MAMLD1: variants seen among roughly 807,000 people sequenced by gnomAD.
MAMLD1 encodes the protein mastermind-like domain-containing protein 1.
In MAMLD1, 14 loss-of-function variants were observed where a neutral mutation model predicts 45.0. The ratio of observed to expected loss-of-function variants is 0.31; its 90% CI spans 0.21 to 0.49. The LOEUF (loss-of-function observed/expected upper bound fraction) is 0.49, where lower values mean the gene tolerates loss of function less well. MAMLD1 is among the 20% of genes least tolerant of loss of function. The pLI is 0.99. For synonymous variants in MAMLD1, 254 were observed against 247.8 expected, an observed-to-expected ratio of 1.02 and a Z score of -0.24; for missense variants, 543 against 603.6, an observed-to-expected ratio of 0.90 and a Z score of 1.05.
intron 5 of MAMLD1, among the ~76,000 whole-genome samples, chrX:150,486,546 A>G (rs1158322519): frequency 9.0e-6 from 1 of 111,535 alleles, no homozygotes; most frequent in Non-Finnish European, 1.9e-5. Context: ...CTGGCAACCA[A>G]CAGTATTTGT....
intron 1 of MAMLD1, among the ~76,000 whole-genome samples, chrX:150,427,122 T>C (rs781963840): frequency 3.5e-4 from 39 of 111,464 alleles, no homozygotes; most frequent in Admixed American, 1.2e-3. Flanking sequence ...TTCCCCTTTT[T>C]ATACAGACAC....
chrX:150,487,552 T>C (rs184749595), intron 5 of MAMLD1, among the ~76,000 whole-genome samples: 64 of 112,150 alleles, frequency 5.7e-4, no homozygotes, highest in African/African-American at 1.9e-3. Flanking sequence ...ATTCTCCCTA[T>C]GTGACCCGGG....
chrX:150,367,807 G>C (rs1258139161), intron 1 of MAMLD1, among the ~76,000 whole-genome samples: 1 of 109,964 alleles, frequency 9.1e-6, no homozygotes, highest in Non-Finnish European at 1.9e-5. Context: ...AGAACATGCG[G>C]TGTTTGGTTT....
At chrX:150,408,168 CT>C (rs1200326155) in intron 1 of MAMLD1, among the ~76,000 whole-genome samples, 47 of 104,913 alleles carry the variant, frequency 4.5e-4, no homozygotes, top group African/African-American at 5.2e-4. Context: ...TTAATCAGAG[CT>C]TTTTTTTTTT....
chrX:150,368,893 A>G (rs1274848382), intron 1 of MAMLD1, among the ~76,000 whole-genome samples: 1 of 111,649 alleles, frequency 9.0e-6, no homozygotes, highest in East Asian at 2.8e-4. Context: ...ATTATTTCTG[A>G]GGGCTCTGTT....
At chrX:150,506,286 C>T (rs2037724424) in intron 6 of MAMLD1, among the ~76,000 whole-genome samples, 1 of 107,300 alleles carries the variant, frequency 9.3e-6, no homozygotes, top group Non-Finnish European at 1.9e-5. Context: ...TTCTGTCCTC[C>T]CTTCCCCTTC....
intron 5 of MAMLD1, among the ~76,000 whole-genome samples, chrX:150,492,799 G>A (rs1557408002): frequency 3.6e-5 from 4 of 112,098 alleles, no homozygotes; most frequent in Admixed American, 1.9e-4. Context: ...TCTTTAACTC[G>A]CTTGGCAATT....
chrX:150,406,768 G>C (rs2034007962), intron 1 of MAMLD1, among the ~76,000 whole-genome samples: 1 of 111,392 alleles, frequency 9.0e-6, no homozygotes, highest in African/African-American at 3.3e-5. Flanking sequence ...ACCCCTAGAA[G>C]AGTGGTCGAG....
chrX:150,403,028 A>C (rs1339676974), intron 1 of MAMLD1, among the ~76,000 whole-genome samples: 1 of 110,171 alleles, frequency 9.1e-6, no homozygotes, highest in Non-Finnish European at 1.9e-5. Flanking sequence ...ATATGTAACT[A>C]ACCTGCACAT....
At chrX:150,448,912 C>T (rs1557404927) in intron 2 of MAMLD1, among the ~76,000 whole-genome samples, 2 of 111,754 alleles carry the variant, frequency 1.8e-5, no homozygotes, top group African/African-American at 6.5e-5. Flanking sequence ...TCCTCCAGCT[C>T]GGAGCAGGTA....
intron 1 of MAMLD1, among the ~76,000 whole-genome samples, chrX:150,421,684 T>C (rs868968673): frequency 4.5e-5 from 5 of 112,057 alleles, no homozygotes; most frequent in African/African-American, 1.6e-4. Flanking sequence ...TTCTTAGCTG[T>C]GAGTTTGTTT....
At chrX:150,481,493 C>T (rs782741970) in intron 5 of MAMLD1, among the ~76,000 whole-genome samples, 1 of 111,918 alleles carries the variant, frequency 8.9e-6, no homozygotes, top group East Asian at 2.8e-4. Context: ...CAGAGAAATA[C>T]CGTATGATCC....
Position 150,466,087 on chromosome X carries a change from G to C in MAMLD1, c.171+3241G>C, listed in dbSNP as rs1403254414. Among the ~76,000 whole-genome samples, 20 of 112,867 alleles carry C rather than the reference G, an allele frequency of 1.8e-4. 1 individual carries two copies. In the Admixed American group the frequency reaches 1.9e-3, roughly 11 times the overall value. On this transcript the variant is annotated intron_variant, in intron 3 of 7. Coordinates refer to ENST00000370401, the MANE Select transcript of MAMLD1 (RefSeq NM_005491.5). The stretch of plus-strand genomic sequence containing the variant: ...GGCACGAGTGTGGCACTGGGCACAG[G>C]GGAAAGCCCAGCCAACTTCTCGCAG...
intron 1 of MAMLD1, among the ~76,000 whole-genome samples, chrX:150,431,415 C>A (rs1235065355): frequency 1.0e-5 from 1 of 98,401 alleles, no homozygotes; most frequent in Admixed American, 1.1e-4. Flanking sequence ...TTTTTTTCTA[C>A]TTTTTAAAAA....
chrX:150,403,089 T>C (rs1354556907), intron 1 of MAMLD1, among the ~76,000 whole-genome samples: 3 of 110,919 alleles, frequency 2.7e-5, no homozygotes, highest in Non-Finnish European at 3.8e-5. Context: ...AAAAAAGTCA[T>C]TGTGGTCCAT....
At chrX:150,485,814 G>A (rs782095340) in intron 5 of MAMLD1, among the ~76,000 whole-genome samples, 56 of 112,064 alleles carry the variant, frequency 5.0e-4, no homozygotes, top group Non-Finnish European at 5.8e-4. Context: ...GATGGTTCAG[G>A]TGTGTTAGAT....
intron 3 of MAMLD1, among the ~76,000 whole-genome samples, chrX:150,463,499 A>G (rs1187596920): frequency 1.8e-5 from 2 of 112,331 alleles, no homozygotes; most frequent in Non-Finnish European, 3.8e-5. Flanking sequence ...GAGATGGTAC[A>G]ATACAAATTC....
In MAMLD1 at chrX:150,471,247, C is replaced by T. The variant is rs782409700; in HGVS notation, c.1674C>T (p.Pro558=). 92 of 1,209,877 alleles carry T rather than the reference C, an allele frequency of 7.6e-5. No homozygotes were observed. The highest frequency in any genetic ancestry group is 9.3e-5 in the Non-Finnish European group (83 of 895,218). Residue 558 remains proline (P), a synonymous_variant, in exon 4 of 8, where the codon CCC becomes CCT. Transcript: ENST00000370401. ...FVSEPGPQKM[P]SMPTTSRQPS... is the part of the protein sequence containing the mutation. ...CTGAGCCGGGTCCCCAGAAGATGCC[C>T]TCCATGCCTACCACCTCTAGGCAGC...
intron 5 of MAMLD1, among the ~76,000 whole-genome samples, chrX:150,500,349 G>A (rs782150948): frequency 5.5e-4 from 61 of 111,546 alleles, no homozygotes; most frequent in African/African-American, 1.9e-3. Flanking sequence ...GGTATGACTG[G>A]GGGTACGTGA....
Sources: allele counts gnomAD v4.1 joint callset (sites outside exome capture counted in the v4.1 genomes callset), GRCh38; gene constraint gnomAD v4.1.1; transcripts MANE v1.5; gene names NCBI Gene and HGNC (gene_info 2026-07-23, HGNC 2026-07-21).